ATRNL1: variants seen among roughly 807,000 people sequenced by gnomAD.
ATRNL1 encodes the protein attractin-like protein 1.
A neutral mutation model predicts 182.7 loss-of-function variants in ATRNL1; 95 were observed. That is an observed-to-expected ratio of 0.52 (90% CI 0.44 to 0.62). The LOEUF (loss-of-function observed/expected upper bound fraction) is 0.62, where lower values mean the gene tolerates loss of function less well. ATRNL1 is among the 20% of genes least tolerant of loss of function. The probability of loss-of-function intolerance (pLI) is 0.00; values close to 1 mark genes in which losing one functional copy is unlikely to be tolerated. For missense variants in ATRNL1, 1,471 were observed against 1,679.5 expected (o/e 0.88, Z 2.17); for synonymous variants, 576 against 568.3 (o/e 1.01, Z -0.19).
intron 19 of ATRNL1, among the ~76,000 whole-genome samples, chr10:115,370,285 C>T (rs1857325297): frequency 6.6e-6 from 1 of 152,150 alleles, no homozygotes; most frequent in African/African-American, 2.4e-5. Flanking sequence ...TGGGGCACTT[C>T]TGAAAAGATA....
intron 9 of ATRNL1, among the ~76,000 whole-genome samples, chr10:115,236,195 C>T (rs1850171962): frequency 6.6e-6 from 1 of 152,100 alleles, no homozygotes; most frequent in Non-Finnish European, 1.5e-5. Context: ...CTCAAGGAAC[C>T]TAGGTTCCTT....
chr10:115,302,075 G>A (rs1853499109), intron 17 of ATRNL1, 32 bp downstream of exon 17: 1 of 1,519,692 alleles, frequency 6.6e-7, no homozygotes, highest in Admixed American at 2.0e-5. Flanking sequence ...CTTTTCACTT[G>A]ACAGCAACGT....
At chr10:115,607,168 A>G (rs1856915889) in intron 26 of ATRNL1, among the ~76,000 whole-genome samples, 1 of 151,894 alleles carries the variant, frequency 6.6e-6, no homozygotes, top group South Asian at 2.1e-4. Context: ...TTTGAAGCAA[A>G]TGTATATTAA....
At chr10:115,361,873 T>C (rs1856765901) in intron 19 of ATRNL1, among the ~76,000 whole-genome samples, 1 of 152,152 alleles carries the variant, frequency 6.6e-6, no homozygotes, top group African/African-American at 2.4e-5. Context: ...TTATTGTTTA[T>C]GATCATGTTC....
At chr10:115,897,803 C>T (rs1404954184) in intron 28 of ATRNL1, among the ~76,000 whole-genome samples, 2 of 152,216 alleles carry the variant, frequency 1.3e-5, no homozygotes, top group African/African-American at 4.8e-5. Flanking sequence ...TTCGCCAACT[C>T]TGGATGTCAT....
chr10:115,448,866 A>ACAG (rs1554967151), intron 21 of ATRNL1, among the ~76,000 whole-genome samples: 1 of 151,970 alleles, frequency 6.6e-6, no homozygotes, highest in African/African-American at 2.4e-5. Flanking sequence ...AACAACAACA[A>ACAG]CAACAACAAC....
intron 27 of ATRNL1, among the ~76,000 whole-genome samples, chr10:115,771,269 C>T (rs1422108028): frequency 2.1e-5 from 3 of 146,308 alleles, no homozygotes; most frequent in Non-Finnish European, 4.5e-5. Flanking sequence ...CTCACTCTTT[C>T]GCCCAGGCCG....
At chr10:115,439,107 G>A (rs1157695201) in intron 21 of ATRNL1, among the ~76,000 whole-genome samples, 2 of 151,862 alleles carry the variant, frequency 1.3e-5, no homozygotes, top group Non-Finnish European at 2.9e-5. Context: ...TAATAAGGAA[G>A]AGAAAATATA....
rs199699605 is a variant in ATRNL1, at chr10:115,332,332, G to GT, written c.3038-1942dup. Among the ~76,000 whole-genome samples, 1,035 of 152,012 alleles carry GT rather than the reference G, an allele frequency of 6.8e-3. 3 individuals are homozygous for GT. The highest frequency in any genetic ancestry group is 7.4e-3 in the Non-Finnish European group (506 of 67,964). ...TTCACAGCCTTACTTGTGCATTCAGGTTTTTTTTAGCCCTCGTGAAGGCAA... is the reference window on the plus strand; with the variant it reads ...TTCACAGCCTTACTTGTGCATTCAGGTTTTTTTTTAGCCCTCGTGAAGGCAA... On this transcript the variant is annotated intron_variant, in intron 18 of 28. Coordinates refer to ENST00000355044, the MANE Select transcript of ATRNL1 (RefSeq NM_207303.4).
intron 28 of ATRNL1, among the ~76,000 whole-genome samples, chr10:115,916,795 T>C (rs1234302426): frequency 6.6e-6 from 1 of 152,146 alleles, no homozygotes; most frequent in African/African-American, 2.4e-5. Context: ...GGCCTTCTGT[T>C]TACTGGGAGC....
chr10:115,684,445 T>C (rs893495573), intron 26 of ATRNL1, among the ~76,000 whole-genome samples: 15 of 144,888 alleles, frequency 1.0e-4, no homozygotes, highest in Non-Finnish European at 2.3e-4. Context: ...AAAAAAAGTT[T>C]CTGTTTTTTT....
At chr10:115,513,945 CATTT>C (rs2133683968) in intron 24 of ATRNL1, among the ~76,000 whole-genome samples, 1 of 151,978 alleles carries the variant, frequency 6.6e-6, no homozygotes, top group South Asian at 2.1e-4. Flanking sequence ...TCTTGAGTGC[CATTT>C]ATTTTAACAG....
chr10:115,250,874 A>G (rs998688343), intron 10 of ATRNL1, among the ~76,000 whole-genome samples: 1 of 152,188 alleles, frequency 6.6e-6, no homozygotes, highest in Non-Finnish European at 1.5e-5. Context: ...ATGTAGTAGA[A>G]CAATGTAATG....
At chr10:115,770,120 A>C (rs1948951682) in intron 27 of ATRNL1, among the ~76,000 whole-genome samples, 1 of 152,008 alleles carries the variant, frequency 6.6e-6, no homozygotes, top group Non-Finnish European at 1.5e-5. Flanking sequence ...TCTAGGTTAT[A>C]CTATTACCTG....
intron 9 of ATRNL1, among the ~76,000 whole-genome samples, chr10:115,228,929 CTA>C (rs1250802793): frequency 6.6e-6 from 1 of 151,726 alleles, no homozygotes; most frequent in Non-Finnish European, 1.5e-5. Flanking sequence ...CCACGCCAGG[CTA>C]TGTTTTTGTA....
intron 26 of ATRNL1, among the ~76,000 whole-genome samples, chr10:115,601,367 T>C (rs545333463): frequency 4.6e-5 from 7 of 152,290 alleles, no homozygotes; most frequent in African/African-American, 1.7e-4. Flanking sequence ...GGGTTAATTA[T>C]TGTAATGTCA....
At chr10:115,650,105 C>G (rs566447455) in intron 26 of ATRNL1, among the ~76,000 whole-genome samples, 416 of 152,114 alleles carry the variant, frequency 2.7e-3, no homozygotes, top group Non-Finnish European at 4.5e-3. Flanking sequence ...TTGTATCAGC[C>G]AAGTTAGGTA....
intron 27 of ATRNL1, 24 bp from the exon 28 acceptor site, chr10:115,847,853 C>G (rs1950965089): frequency 1.4e-6 from 2 of 1,436,252 alleles, no homozygotes; most frequent in Non-Finnish European, 2.0e-6. Flanking sequence ...ATTTTGCAAA[C>G]TTAAAGTGGG....
intron 21 of ATRNL1, among the ~76,000 whole-genome samples, chr10:115,427,974 T>A (rs1845981134): frequency 2.0e-5 from 3 of 152,052 alleles, no homozygotes; most frequent in Admixed American, 1.3e-4. Context: ...ATAATTTGTT[T>A]TGTGATTTTG....
Sources: gnomAD v4.1 joint callset for allele counts (sites outside exome capture counted in the v4.1 genomes callset) on GRCh38, gnomAD v4.1.1 for gene constraint, MANE v1.5 for transcripts, NCBI Gene and HGNC (gene_info 2026-07-23, HGNC 2026-07-21) for gene names.